PDE4D: variants seen among roughly 807,000 people sequenced by gnomAD.
The protein encoded by PDE4D is phosphodiesterase 4D.
PDE4D carries 24 observed loss-of-function variants against 87.4 expected under a neutral mutation model. That is an observed-to-expected ratio of 0.27 (90% CI 0.20 to 0.39). The LOEUF (loss-of-function observed/expected upper bound fraction) is 0.39. Among genes scored for constraint, PDE4D ranks in the 10% least tolerant of loss-of-function variants. PDE4D has a pLI of 1.00. For missense variants in PDE4D, 714 were observed against 1,041.0 expected (o/e 0.69, Z 4.32); for synonymous variants, 384 against 383.2 (o/e 1.00, Z -0.02).
At chr5:59,039,512 C>T (rs774610094) in intron 5 of PDE4D, 1 of 985,816 alleles carries the variant, frequency 1.0e-6, no homozygotes, top group Non-Finnish European at 1.2e-6. Context: ...GCGGCCACCA[C>T]GTTTCCTGTT....
intron 1 of PDE4D, among the ~76,000 whole-genome samples, chr5:60,336,342 T>C (rs987399187): frequency 6.6e-6 from 1 of 152,262 alleles, no homozygotes; most frequent in Non-Finnish European, 1.5e-5. Context: ...TGAATTTTAC[T>C]GTAAATATGT....
At chr5:59,254,279 C>T (rs917626068) in intron 1 of PDE4D, among the ~76,000 whole-genome samples, 3 of 152,074 alleles carry the variant, frequency 2.0e-5, no homozygotes, top group African/African-American at 4.8e-5. Flanking sequence ...TCCTATTTCT[C>T]AATCCCAAGG....
At chr5:59,386,682 C>A (rs1460686102) in intron 1 of PDE4D, among the ~76,000 whole-genome samples, 1 of 75,516 alleles carries the variant, frequency 1.3e-5, no homozygotes, top group Non-Finnish European at 2.8e-5. Flanking sequence ...GGCAGGGCAG[C>A]GCAGGAGGAA....
intron 5 of PDE4D, among the ~76,000 whole-genome samples, chr5:59,094,722 A>G (rs1025164613): frequency 1.3e-5 from 2 of 152,232 alleles, no homozygotes; most frequent in Admixed American, 1.3e-4. Context: ...TTAACATAGA[A>G]TCCAATTGCA....
chr5:60,419,950 G>A (rs1441886013), intron 1 of PDE4D, among the ~76,000 whole-genome samples: 5 of 152,182 alleles, frequency 3.3e-5, no homozygotes, highest in Non-Finnish European at 7.3e-5. Context: ...GTCTTAGAGA[G>A]TAAAGACTTT....
At chr5:59,181,127 T>C (rs1322642169) in intron 4 of PDE4D, among the ~76,000 whole-genome samples, 1 of 152,208 alleles carries the variant, frequency 6.6e-6, no homozygotes, top group Non-Finnish European at 1.5e-5. Flanking sequence ...AACTTTTTCC[T>C]TTCTTTTCTT....
At position 59,372,550 on chromosome 5, in the gene PDE4D, G is replaced by A. The variant is rs1188084124; in HGVS notation, c.456-156582C>T. Among the ~76,000 whole-genome samples, 3 of 152,278 alleles carry A rather than the reference G, an allele frequency of 2.0e-5. No individual in the cohort carries two copies. In the East Asian group the frequency reaches 5.8e-4, roughly 29 times the overall value. Reference sequence around the variant, plus strand: ...TATTTGAAAAGTAAACACGTGGGCTGTACAGAGAACAGTGAATCCTCCCCT... The same window carrying A: ...TATTTGAAAAGTAAACACGTGGGCTATACAGAGAACAGTGAATCCTCCCCT... On this transcript the variant is annotated intron_variant, in intron 1 of 14. Coordinates refer to ENST00000340635, the MANE Select transcript of PDE4D (RefSeq NM_001104631.2).
intron 1 of PDE4D, among the ~76,000 whole-genome samples, chr5:59,351,250 G>A (rs1204815328): frequency 1.3e-5 from 2 of 152,150 alleles, no homozygotes; most frequent in African/African-American, 4.8e-5. Context: ...AAGCAGCAGA[G>A]TTGGCACTGA....
intron 1 of PDE4D, among the ~76,000 whole-genome samples, chr5:59,480,202 T>A: frequency 6.8e-6 from 1 of 146,936 alleles, no homozygotes; most frequent in Admixed American, 6.6e-5. Flanking sequence ...CAAGCTTTTT[T>A]TTTTAATTCA....
At chr5:59,231,240 T>C (rs1480677536) in intron 1 of PDE4D, among the ~76,000 whole-genome samples, 1 of 152,206 alleles carries the variant, frequency 6.6e-6, no homozygotes, top group Non-Finnish European at 1.5e-5. Flanking sequence ...TGGGAAAGCA[T>C]AGAAGTCAAT....
At chr5:59,310,009 A>G (rs1339436560) in intron 1 of PDE4D, among the ~76,000 whole-genome samples, 2 of 152,076 alleles carry the variant, frequency 1.3e-5, no homozygotes, top group Non-Finnish European at 2.9e-5. Flanking sequence ...ATCTCCAGAA[A>G]AATTCTCTTT....
chr5:59,872,121 C>A (rs192100792), intron 1 of PDE4D, among the ~76,000 whole-genome samples: 1 of 151,948 alleles, frequency 6.6e-6, no homozygotes, highest in Admixed American at 6.6e-5. Context: ...CTAAACTTGG[C>A]GACGATGGGA....
chr5:59,416,932 C>T (rs1257651206), intron 1 of PDE4D, among the ~76,000 whole-genome samples: 5 of 152,140 alleles, frequency 3.3e-5, no homozygotes, highest in South Asian at 4.2e-4. Flanking sequence ...TATACATATA[C>T]ATATATTTTA....
Position 60,452,700 on chromosome 5 carries a change from GA to G in PDE4D, c.-90+35241del, listed in dbSNP as rs545482160. Among the ~76,000 whole-genome samples the G allele has an allele frequency of 1.6e-4, 25 of 152,164 alleles. No individual in the cohort carries two copies. In the South Asian group the frequency reaches 5.0e-3, roughly 30 times the overall value. On this transcript the variant is annotated intron_variant, in intron 1 of 16. Transcript: ENST00000502484. ...TTTCAGAGGCAACAGCTACATTATG[GA>G]AAAGGGAACATTTCTTGCCATTTTA... is the stretch of plus-strand genomic sequence containing the variant.
rs183054917 is a variant in PDE4D at position 59,611,163 on chromosome 5, A to G, written c.455+282005T>C. Among the ~76,000 whole-genome samples the G allele has an allele frequency of 1.9e-4, 29 of 152,340 alleles. No individual in the cohort carries two copies. The East Asian group carries it at 4.8e-3, about 25-fold the overall frequency. ...TTGCTGACAGTCCTAGAAGCTAAGA[A>G]GTCCAAGATGAAGGCATCAGCAGAT... On this transcript the variant is annotated intron_variant, in intron 1 of 14. Coordinates refer to ENST00000340635, the MANE Select transcript of PDE4D (RefSeq NM_001104631.2).
At chr5:59,017,811 T>G (rs1324124103) in intron 6 of PDE4D, among the ~76,000 whole-genome samples, 1 of 152,316 alleles carries the variant, frequency 6.6e-6, no homozygotes, top group Non-Finnish European at 1.5e-5. Context: ...CTAAGACATT[T>G]TAGAAATGAA....
rs183009147 is a variant in PDE4D, at chr5:60,299,756, A to C, written c.-89-114069T>G. On this transcript the variant is annotated intron_variant, in intron 1 of 16. Coordinates refer to the PDE4D transcript ENST00000502484. ...TCATCCTTTTTTATGGCTGCATAGC[A>C]TTCCATGGTGTATATGTTCCATATT... is the stretch of plus-strand genomic sequence containing the variant. Among the ~76,000 whole-genome samples, 131 of 152,320 alleles carry C rather than the reference A, an allele frequency of 8.6e-4. 1 individual carries two copies. The highest frequency in any genetic ancestry group is 3.4e-3 in the Middle Eastern group (1 of 294).
At chr5:59,711,270 T>C (rs1754157701) in intron 1 of PDE4D, among the ~76,000 whole-genome samples, 1 of 152,188 alleles carries the variant, frequency 6.6e-6, no homozygotes, top group Non-Finnish European at 1.5e-5. Context: ...ATAAGACCAT[T>C]ATTTTGTCCC....
At chr5:59,907,148 C>T (rs1054478298) in intron 3 of PDE4D, among the ~76,000 whole-genome samples, 1 of 152,078 alleles carries the variant, frequency 6.6e-6, no homozygotes, top group Non-Finnish European at 1.5e-5. Context: ...GAATACTGGT[C>T]CCTTTTCTCC....
Sources: allele counts gnomAD v4.1 joint callset (sites outside exome capture counted in the v4.1 genomes callset), GRCh38; gene constraint gnomAD v4.1.1; transcripts MANE v1.5; gene names NCBI Gene and HGNC (gene_info 2026-07-23, HGNC 2026-07-21).